The following DMD variants were observed in gnomAD, a reference collection of about 807,000 sequenced individuals.
DMD encodes the protein mutant dystrophin.
In DMD, 63 loss-of-function variants were observed where a neutral mutation model predicts 330.1. That is an observed-to-expected ratio of 0.19 (90% CI 0.16 to 0.24). DMD has a LOEUF of 0.24. Among genes scored for constraint, DMD ranks in the 10% least tolerant of loss-of-function variants. The probability of loss-of-function intolerance (pLI) is 1.00; values close to 1 mark genes in which losing one functional copy is unlikely to be tolerated. For missense variants in DMD, 3,344 were observed against 2,684.1 expected, an observed-to-expected ratio of 1.25 and a Z score of -5.43; for synonymous variants, 1,223 against 959.8, an observed-to-expected ratio of 1.27 and a Z score of -5.07.
chrX:32,380,620 C>T lies in DMD; in HGVS notation c.4735G>A (p.Glu1579Lys), dbSNP rs398123964. ...CLKLSRKMRKEMNVLTEWLAA... is the reference protein window; with the variant it reads ...CLKLSRKMRKKMNVLTEWLAA... The stretch of plus-strand genomic sequence containing the variant: ...AGCCATTCTGTCAAGACATTCATTT[C>T]CTTTCGCATCTTACGGGACAATTTC... The change falls in exon 34 of 79, where the codon GAA becomes AAA. Residue 1579 changes from glutamate (E) to lysine (K), a missense_variant. Coordinates refer to ENST00000357033, the MANE Select transcript of DMD (RefSeq NM_004006.3). The T allele has an allele frequency of 8.3e-7, 1 of 1,209,689 alleles. No homozygotes were observed. The highest frequency in any genetic ancestry group is 1.8e-5 in the South Asian group (1 of 56,929).
chrX:32,215,854 G>C (rs1159688150), intron 44 of DMD, among the ~76,000 whole-genome samples: 2 of 111,762 alleles, frequency 1.8e-5, no homozygotes, highest in Non-Finnish European at 1.9e-5. Context: ...GTGCATGCAA[G>C]TTTGATTGAT....
At chrX:33,057,295 G>C (rs1198651297) in intron 1 of DMD, among the ~76,000 whole-genome samples, 1 of 111,374 alleles carries the variant, frequency 9.0e-6, no homozygotes, top group South Asian at 3.7e-4. Flanking sequence ...CTTGATTAAA[G>C]CCACATCCAC....
At chrX:32,527,339 A>C (rs1396834754) in intron 17 of DMD, among the ~76,000 whole-genome samples, 1 of 112,160 alleles carries the variant, frequency 8.9e-6, no homozygotes, top group Non-Finnish European at 1.9e-5. Flanking sequence ...GTATTTTTAA[A>C]AATCACCTTT....
chrX:32,751,496 C>T (rs1235083824), intron 7 of DMD, among the ~76,000 whole-genome samples: 1 of 111,493 alleles, frequency 9.0e-6, no homozygotes, highest in East Asian at 2.8e-4. Context: ...GCAAAGCATT[C>T]GTGAGGTGAC....
rs1293870217 is a variant in DMD, at chrX:33,041,357, G to A, written c.32-21157C>T. ...GCGCGTCGCCCTCCACGGTTACCCC[G>A]GCTTTCCGCCCCTCCTTCTCGCGGG... On this transcript the variant is annotated intron_variant, in intron 1 of 78. Coordinates refer to ENST00000357033, the MANE Select transcript of DMD (RefSeq NM_004006.3). 4.3e-6 allele frequency: 5 copies of A among 1,171,132 alleles called. No homozygotes were observed. In the African/African-American group the frequency reaches 5.3e-5, roughly 12 times the overall value.
chrX:32,718,333 G>C (rs186352673), intron 7 of DMD, among the ~76,000 whole-genome samples: 1 of 110,915 alleles, frequency 9.0e-6, no homozygotes, highest in African/African-American at 3.3e-5. Flanking sequence ...GTGTGAAAGC[G>C]TGTAGCATCT....
At chrX:32,707,094 A>AG (rs1391123799) in intron 7 of DMD, among the ~76,000 whole-genome samples, 5 of 100,512 alleles carry the variant, frequency 5.0e-5, no homozygotes, top group Non-Finnish European at 9.5e-5. Flanking sequence ...TCCGTCTCGG[A>AG]GGGGGTAAAA....
chrX:31,157,258 T>G (rs1040124538), intron 74 of DMD, among the ~76,000 whole-genome samples: 9 of 112,282 alleles, frequency 8.0e-5, no homozygotes. Context: ...CTTCAGTTTC[T>G]TAATCTTTAA....
Position 32,131,983 on chromosome X carries a change from T to C in DMD, c.6438+84933A>G, listed in dbSNP as rs951747572. On this transcript the variant is annotated intron_variant, in intron 44 of 78. Coordinates refer to ENST00000357033, the MANE Select transcript of DMD (RefSeq NM_004006.3). Reference sequence around the variant, plus strand: ...GGGACTGAGAGATCAATGGAGATGATGGCTATAAAAGCACATTTTAAATGC... The same window carrying C: ...GGGACTGAGAGATCAATGGAGATGACGGCTATAAAAGCACATTTTAAATGC... Among the ~76,000 whole-genome samples the C allele has an allele frequency of 3.6e-5, 4 of 111,850 alleles. No homozygotes were observed. The East Asian group carries it at 8.4e-4, about 24-fold the overall frequency.
At chrX:31,953,287 C>T (rs1308935694) in intron 45 of DMD, among the ~76,000 whole-genome samples, 1 of 111,841 alleles carries the variant, frequency 8.9e-6, no homozygotes, top group Non-Finnish European at 1.9e-5. Context: ...TTTTTGTTTG[C>T]CGCCTAGGTC....
intron 30 of DMD, among the ~76,000 whole-genome samples, chrX:32,406,259 A>G (rs890721121): frequency 9.0e-6 from 1 of 111,151 alleles, no homozygotes; most frequent in East Asian, 2.8e-4. Flanking sequence ...TCTCCTGCCT[A>G]ATTGCCCTGG....
chrX:33,009,530 GTGTA>G (rs1353843534), intron 2 of DMD, among the ~76,000 whole-genome samples: 2 of 88,092 alleles, frequency 2.3e-5, no homozygotes, highest in Admixed American at 1.2e-4. Context: ...GTGTGTATGT[GTGTA>G]TGTGTATATA....
At chrX:32,438,713 G>C (rs2098270540) in intron 28 of DMD, among the ~76,000 whole-genome samples, 1 of 111,829 alleles carries the variant, frequency 8.9e-6, no homozygotes, top group Non-Finnish European at 1.9e-5. Context: ...CTGATAGCTA[G>C]TGGTGTCCAC....
chrX:31,577,195 C>T (rs776962129), intron 55 of DMD, among the ~76,000 whole-genome samples: 8 of 112,334 alleles, frequency 7.1e-5, no homozygotes, highest in African/African-American at 9.7e-5. Flanking sequence ...TCACATTAAT[C>T]GCAACCATAT....
At chrX:32,632,016 T>A (rs1293481427) in intron 11 of DMD, among the ~76,000 whole-genome samples, 3 of 111,500 alleles carry the variant, frequency 2.7e-5, no homozygotes, top group African/African-American at 9.8e-5. Flanking sequence ...GTCCGGAGTC[T>A]CATCTGAGAC....
chrX:32,681,106 C>T (rs1390945585), intron 9 of DMD, among the ~76,000 whole-genome samples: 2 of 111,888 alleles, frequency 1.8e-5, no homozygotes, highest in Non-Finnish European at 3.8e-5. Context: ...CTGTTTCGTC[C>T]ATCTCTTAAG....
intron 16 of DMD, among the ~76,000 whole-genome samples, chrX:32,552,219 A>T (rs911058233): frequency 8.9e-6 from 1 of 112,091 alleles, no homozygotes; most frequent in Non-Finnish European, 1.9e-5. Flanking sequence ...GCCTGACTGC[A>T]AACTATACTA....
At chrX:31,468,546 G>GT (rs1005334513) in intron 59 of DMD, among the ~76,000 whole-genome samples, 31 of 111,380 alleles carry the variant, frequency 2.8e-4, no homozygotes, top group Non-Finnish European at 4.9e-4. Flanking sequence ...TATGATTTCT[G>GT]TTTTTTTGCA....
chrX:31,877,797 A>G (rs1262970731), intron 47 of DMD, among the ~76,000 whole-genome samples: 1 of 111,488 alleles, frequency 9.0e-6, no homozygotes, highest in African/African-American at 3.3e-5. Flanking sequence ...TTATTTTTCA[A>G]GCATTTTAAA....
Sources: allele counts gnomAD v4.1 joint callset (sites outside exome capture counted in the v4.1 genomes callset), GRCh38; gene constraint gnomAD v4.1.1; transcripts MANE v1.5; gene names NCBI Gene and HGNC (gene_info 2026-07-23, HGNC 2026-07-21).